IGSF11: variants seen among roughly 807,000 people sequenced by gnomAD.
IGSF11 encodes the protein CXADR like 1.
A neutral mutation model predicts 41.0 loss-of-function variants in IGSF11; 22 were observed. The ratio of observed to expected loss-of-function variants is 0.54; its 90% CI spans 0.38 to 0.77. The LOEUF is 0.77. Ranked by LOEUF, IGSF11 falls within the 30% of genes least tolerant of loss-of-function variation. The pLI is 0.00. For synonymous variants in IGSF11, 219 were observed against 201.3 expected, an observed-to-expected ratio of 1.09 and a Z score of -0.74; for missense variants, 444 against 530.8, an observed-to-expected ratio of 0.84 and a Z score of 1.61.
intron 1 of IGSF11, among the ~76,000 whole-genome samples, chr3:119,128,295 T>C (rs1429672630): frequency 6.6e-6 from 1 of 151,402 alleles, no homozygotes; most frequent in Non-Finnish European, 1.5e-5. Context: ...GAGGTGGAGG[T>C]TGCAGTGAGC....
intron 1 of IGSF11, among the ~76,000 whole-genome samples, chr3:118,967,998 T>G (rs1241872001): frequency 6.6e-6 from 1 of 152,146 alleles, no homozygotes; most frequent in African/African-American, 2.4e-5. Flanking sequence ...AGAGAGAATT[T>G]TTGAGATCTT....
intron 1 of IGSF11, among the ~76,000 whole-genome samples, chr3:119,119,756 T>C (rs1189366779): frequency 6.6e-6 from 1 of 152,142 alleles, no homozygotes; most frequent in African/African-American, 2.4e-5. Flanking sequence ...AGAACTCAGC[T>C]TAGCAGGTGG....
At position 118,915,536 on chromosome 3, in the gene IGSF11, T is replaced by A. The variant is rs375311671; in HGVS notation, c.581-9818A>T. Reference sequence around the variant, plus strand: ...GGAAGATGAAATGAATGAAATGAAGTGAGAAGGGAAGTTTAGAGAAAAAAG... The same window carrying A: ...GGAAGATGAAATGAATGAAATGAAGAGAGAAGGGAAGTTTAGAGAAAAAAG... On this transcript the variant is annotated intron_variant, in intron 4 of 6. Coordinates refer to ENST00000393775, the MANE Select transcript of IGSF11 (RefSeq NM_001015887.3). 2.3e-4 allele frequency among the ~76,000 whole-genome samples: 8 copies of A among 34,374 alleles called. No homozygotes were observed. In the East Asian group the frequency reaches 4.4e-3, roughly 19 times the overall value. The allele number at this position is 34,374 out of a possible 152,430, so 22.6% of individuals were successfully genotyped here.
At chr3:118,996,669 G>A (rs964451481) in intron 1 of IGSF11, among the ~76,000 whole-genome samples, 6 of 151,444 alleles carry the variant, frequency 4.0e-5, no homozygotes, top group Admixed American at 2.6e-4. Flanking sequence ...GTGCGATCTC[G>A]GCTCACTGCA....
intron 1 of IGSF11, among the ~76,000 whole-genome samples, chr3:118,973,477 T>G (rs561586324): frequency 2.0e-5 from 3 of 152,244 alleles, no homozygotes; most frequent in African/African-American, 7.2e-5. Context: ...CCAACTCATT[T>G]CTCTAACCTG....
At chr3:119,017,011 G>A (rs1318934454) in intron 1 of IGSF11, among the ~76,000 whole-genome samples, 2 of 134,746 alleles carry the variant, frequency 1.5e-5, no homozygotes, top group African/African-American at 5.9e-5. Context: ...ATGGGCTAAA[G>A]CATGAGCAAA....
chr3:119,015,277 C>T (rs1349313609), intron 1 of IGSF11, among the ~76,000 whole-genome samples: 3 of 152,100 alleles, frequency 2.0e-5, no homozygotes, highest in Non-Finnish European at 2.9e-5. Context: ...ATTAAAGTTT[C>T]GTTACTGCTC....
intron 1 of IGSF11, among the ~76,000 whole-genome samples, chr3:119,111,157 G>A (rs1285574380): frequency 2.6e-5 from 4 of 152,154 alleles, no homozygotes; most frequent in East Asian, 1.9e-4. Flanking sequence ...GATTGGGGAA[G>A]TTCTCCTGGA....
At chr3:119,145,897 G>A (rs1218667259) in exon 1 of IGSF11, 7 of 351,710 alleles carry the variant, frequency 2.0e-5, no homozygotes, top group Non-Finnish European at 3.1e-5. Context: ...GATGCACGGA[G>A]CCCCGTGGCC....
intron 1 of IGSF11, among the ~76,000 whole-genome samples, chr3:119,046,663 G>A (rs561575145): frequency 8.0e-4 from 121 of 152,000 alleles, no homozygotes; most frequent in South Asian, 6.0e-3. Flanking sequence ...GATACTCCTC[G>A]AGAAGAGCAA....
intron 1 of IGSF11, among the ~76,000 whole-genome samples, chr3:119,137,648 G>A (rs1008293856): frequency 1.8e-4 from 27 of 152,014 alleles, no homozygotes; most frequent in Non-Finnish European, 3.8e-4. Flanking sequence ...CAGTACATTG[G>A]GCTGAGCAGA....
chr3:119,067,812 T>C (rs1193606388), intron 1 of IGSF11, among the ~76,000 whole-genome samples: 1 of 152,194 alleles, frequency 6.6e-6, no homozygotes, highest in Non-Finnish European at 1.5e-5. Context: ...GAGGGAGGCA[T>C]TTGTTCATTC....
At chr3:118,984,192 T>C (rs563401968) in intron 1 of IGSF11, among the ~76,000 whole-genome samples, 4 of 150,756 alleles carry the variant, frequency 2.7e-5, no homozygotes, top group Admixed American at 6.6e-5. Flanking sequence ...AAAACAGACA[T>C]TTGCCTCTTT....
intron 1 of IGSF11, among the ~76,000 whole-genome samples, chr3:119,049,568 AC>A: frequency 6.6e-6 from 1 of 150,690 alleles, no homozygotes. Context: ...AAATGGCCAT[AC>A]TGCCCAAGGT....
At chr3:119,072,949 T>C (rs923555643) in intron 1 of IGSF11, among the ~76,000 whole-genome samples, 1 of 152,072 alleles carries the variant, frequency 6.6e-6, no homozygotes, top group Admixed American at 6.5e-5. Context: ...GATTGGTGCA[T>C]TTACAATCCC....
intron 1 of IGSF11, among the ~76,000 whole-genome samples, chr3:119,007,206 G>T (rs1362076162): frequency 6.9e-6 from 1 of 145,724 alleles, no homozygotes; most frequent in African/African-American, 2.7e-5. Flanking sequence ...CGCAATATTC[G>T]GGTGGGAGTG....
At chr3:119,096,665 T>C (rs965855792) in intron 1 of IGSF11, among the ~76,000 whole-genome samples, 1 of 152,200 alleles carries the variant, frequency 6.6e-6, no homozygotes, top group South Asian at 2.1e-4. Context: ...CTTTTCTTTA[T>C]GTCCAGTGGC....
rs535535350 is a variant in IGSF11 at position 119,135,122 on chromosome 3, T to G, written c.-14+10691A>C. Among the ~76,000 whole-genome samples the G allele has an allele frequency of 5.3e-5, 8 of 152,246 alleles. No individual in the cohort carries two copies. The South Asian group carries it at 1.7e-3, about 32-fold the overall frequency. On this transcript the variant is annotated intron_variant, in intron 1 of 7. Coordinates refer to the IGSF11 transcript ENST00000425327. ...ACCATAAAAACCCTAGAAGAAAACCTAGGCAATACCGTTCAGGACATAGGC... is the reference window on the plus strand; with the variant it reads ...ACCATAAAAACCCTAGAAGAAAACCGAGGCAATACCGTTCAGGACATAGGC...
chr3:118,984,609 T>G (rs1935074829), intron 1 of IGSF11, among the ~76,000 whole-genome samples: 1 of 152,116 alleles, frequency 6.6e-6, no homozygotes, highest in Admixed American at 6.6e-5. Flanking sequence ...TGGCTGATTT[T>G]CCATGTAAAT....
Sources: gnomAD v4.1 joint callset for allele counts (sites outside exome capture counted in the v4.1 genomes callset) on GRCh38, gnomAD v4.1.1 for gene constraint, MANE v1.5 for transcripts, NCBI Gene and HGNC (gene_info 2026-07-23, HGNC 2026-07-21) for gene names.